The following WDR35 variants were observed in gnomAD, a reference collection of about 807,000 sequenced individuals.
WDR35 encodes WD repeat-containing protein 35.
Under a neutral mutation model 158.3 loss-of-function variants are expected in WDR35, and 118 were observed. The ratio of observed to expected loss-of-function variants is 0.75; its 90% CI spans 0.64 to 0.87. The LOEUF is 0.87. Ranked by LOEUF, WDR35 falls within the 40% of genes least tolerant of loss-of-function variation. WDR35 has a pLI of 0.00. For missense variants in WDR35, 1,263 were observed against 1,405.8 expected (o/e 0.90, Z 1.62); for synonymous variants, 448 against 476.1 (o/e 0.94, Z 0.77).
chr2:19,978,696 AAG>A, intron 5 of WDR35, 53 bp downstream of exon 5: 1 of 1,611,622 alleles, frequency 6.2e-7, no homozygotes, highest in Non-Finnish European at 8.5e-7. Context: ...ATCTCTAAAG[AAG>A]AAAACTGTCA....
At chr2:19,925,104 T>C (rs1345343334) in intron 25 of WDR35, among the ~76,000 whole-genome samples, 2 of 152,214 alleles carry the variant, frequency 1.3e-5, no homozygotes, top group Non-Finnish European at 2.9e-5. Flanking sequence ...CCGCAGTAGA[T>C]TTATGCTGCA....
intron 3 of WDR35, 34 bp downstream of exon 3, chr2:19,982,429 T>A (rs373000633): frequency 2.6e-4 from 412 of 1,603,078 alleles, no homozygotes; most frequent in Non-Finnish European, 3.4e-4. Flanking sequence ...TAAATACCAC[T>A]CAAACATGAC....
intron 25 of WDR35, among the ~76,000 whole-genome samples, chr2:19,919,133 C>T (rs1324283655): frequency 1.3e-5 from 2 of 152,290 alleles, no homozygotes; most frequent in South Asian, 4.1e-4. Flanking sequence ...GTAATTCCAG[C>T]ACTTTCGGAG....
At position 19,927,365 on chromosome 2, in the gene WDR35, C is replaced by A. The variant is rs771636411; in HGVS notation, c.3121+3031G>T. On this transcript the variant is annotated intron_variant, in intron 25 of 26. Transcript: ENST00000281405. ...TGTTTAGGAAGATTGCATTGCAGAA[C>A]AGGCAGAGGTGCTGCACAATGATTC... Among the ~76,000 whole-genome samples the A allele has an allele frequency of 2.0e-5, 3 of 152,164 alleles. No individual in the cohort carries two copies. In the East Asian group the frequency reaches 5.8e-4, roughly 29 times the overall value.
intron 5 of WDR35, 124 bp downstream of exon 5, chr2:19,978,623 CAAAT>C (rs1672284979): frequency 7.2e-7 from 1 of 1,381,550 alleles, no homozygotes; most frequent in Non-Finnish European, 1.0e-6. Flanking sequence ...AATTGTATAT[CAAAT>C]AGTTTCCCTT....
In WDR35 at chr2:19,932,446, C is replaced by T; in HGVS notation, c.2660G>A (p.Trp887Ter). The T allele has an allele frequency of 6.2e-7, 1 of 1,613,102 alleles. No individual in the cohort carries two copies. Among genetic ancestry groups the T allele is most frequent in the Non-Finnish European group, 8.5e-7 (1 of 1,179,448 alleles). The change falls in exon 23 of 27, where the codon TGG (tryptophan) becomes TAG (stop). Residue 887 changes from tryptophan (W) to a stop codon, truncating the protein, a stop_gained and splice_region_variant. Transcript: ENST00000281405. LOFTEE classifies it high-confidence loss of function. The stretch of plus-strand genomic sequence containing the variant: ...TTTAGCCAATTCAACAGCTTTGTTC[C>T]ACTAGGAGAAAAATTACACCATTCA... ...AVDTCVHLNQ[W>*]NKAVELAKNH... is the part of the protein sequence containing the mutation.
rs759855196 is a variant in WDR35 at position 19,989,326 on chromosome 2, A to G, written c.25-44T>C. The G allele has an allele frequency of 6.5e-6, 10 of 1,536,842 alleles. No homozygotes were observed. The South Asian group carries it at 8.9e-5, about 14-fold the overall frequency. On this transcript the variant is annotated intron_variant, in intron 1 of 26. Transcript: ENST00000281405. Reference sequence around the variant, plus strand: ...CCGCACTAGCAACTTTTCACGAAGGAGCTGGGAAGTAAGTCTGCAGGAGAT... The same window carrying G: ...CCGCACTAGCAACTTTTCACGAAGGGGCTGGGAAGTAAGTCTGCAGGAGAT...
chr2:19,913,639 G>A lies in WDR35; in HGVS notation c.3432C>T (p.Cys1144=), dbSNP rs1572300931. 6.2e-7 allele frequency: 1 copy of A among 1,614,116 alleles called. No homozygotes were observed. Among genetic ancestry groups the A allele is most frequent in the East Asian group, 2.2e-5 (1 of 44,856 alleles). The change falls in exon 27 of 27, where the codon TGC becomes TGT. Residue 1144 remains cysteine (C), a synonymous_variant. Transcript: ENST00000281405. ...CAAGGACACCGTGTTTGCATACACT[G>A]CACATCCAGAATTGATACTCAGTGA... ...SPITEYQFWM[C]SVCKHGVLAQ... is the part of the protein sequence containing the mutation.
In WDR35 at chr2:19,935,377, A is replaced by T. The variant is rs1333626092; in HGVS notation, c.2547+94T>A. 5.1e-6 allele frequency: 7 copies of T among 1,371,176 alleles called. No individual in the cohort carries two copies. In the African/African-American group the frequency reaches 1.0e-4, roughly 20 times the overall value. 84.9% of individuals were successfully genotyped at this position (1,371,176 alleles called of 1,614,324 possible). A position where few individuals can be genotyped will look rare whatever the true frequency, so the allele number is the denominator to read the frequency against. On this transcript the variant is annotated intron_variant, in intron 21 of 26. Coordinates refer to ENST00000281405, the MANE Select transcript of WDR35 (RefSeq NM_020779.4). ...AGAAACTGTAACATTATAGATTTTT[A>T]ATTTTCTTTATTGTGGGAGATATTT...
Position 19,951,188 on chromosome 2 carries a change from G to A in WDR35, c.1470+227C>T, listed in dbSNP as rs527733374. On this transcript the variant is annotated intron_variant, in intron 13 of 26. Coordinates refer to ENST00000281405, the MANE Select transcript of WDR35 (RefSeq NM_020779.4). ...GTTTTCCAACATTTTTAGATAATACGCTTTTCTAAGTAGTATATTAGCTAC... is the reference window on the plus strand; with the variant it reads ...GTTTTCCAACATTTTTAGATAATACACTTTTCTAAGTAGTATATTAGCTAC... Among the ~76,000 whole-genome samples the A allele has an allele frequency of 3.3e-5, 5 of 152,106 alleles. No individual in the cohort carries two copies. The highest frequency in any genetic ancestry group is 2.1e-4 in the South Asian group (1 of 4,826).
At chr2:19,921,353 C>T (rs895654051) in intron 25 of WDR35, among the ~76,000 whole-genome samples, 1 of 152,162 alleles carries the variant, frequency 6.6e-6, no homozygotes, top group Non-Finnish European at 1.5e-5. Flanking sequence ...GCAACAAAAA[C>T]GGCACGGTAC....
intron 10 of WDR35, among the ~76,000 whole-genome samples, chr2:19,963,511 CT>C (rs2103439933): frequency 6.6e-6 from 1 of 152,220 alleles, no homozygotes; most frequent in African/African-American, 2.4e-5. Flanking sequence ...CTCTTGGAGC[CT>C]TCTGACCTCT....
At chr2:19,970,174 C>A (rs1159757069) in intron 8 of WDR35, among the ~76,000 whole-genome samples, 1 of 151,988 alleles carries the variant, frequency 6.6e-6, no homozygotes, top group Non-Finnish European at 1.5e-5. Flanking sequence ...TTTTTATGTA[C>A]AACTAAGGAA....
intron 14 of WDR35, among the ~76,000 whole-genome samples, chr2:19,947,723 A>G (rs1671103007): frequency 6.6e-6 from 1 of 152,094 alleles, no homozygotes; most frequent in Non-Finnish European, 1.5e-5. Flanking sequence ...AATACCTACT[A>G]CCACCATGCA....
At position 19,919,396 on chromosome 2, in the gene WDR35, AAAGAAAAGAAAAAG is replaced by A. The variant is rs1364027143; in HGVS notation, c.3122-5133_3122-5120del. Among the ~76,000 whole-genome samples, 35 of 125,502 alleles carry A rather than the reference AAAGAAAAGAAAAAG, an allele frequency of 2.8e-4. 1 individual carries two copies. In the East Asian group the frequency reaches 0.012, roughly 41 times the overall value. The allele number at this position is 125,502 out of a possible 152,430, so 82.3% of individuals were successfully genotyped here. On this transcript the variant is annotated intron_variant, in intron 25 of 26. Coordinates refer to ENST00000281405, the MANE Select transcript of WDR35 (RefSeq NM_020779.4). ...GCTCCATCTCAAAAAAAAAAAAAAA[AAAGAAAAGAAAAAG>A]AAAAAGAAAAAAAAAGAAACTCATC...
In WDR35 at chr2:19,938,234, C is replaced by T; in HGVS notation, c.2063+31G>A. The T allele has an allele frequency of 6.8e-6, 11 of 1,613,880 alleles. 1 individual carries two copies. The highest frequency in any genetic ancestry group is 6.7e-5 in the African/African-American group (5 of 75,042). ...TGAGACTTTAAAAACCTACACCTGA[C>T]ATCCTGGGAGAGTTTGCTTTTTTTA... On this transcript the variant is annotated intron_variant, in intron 18 of 26. Transcript: ENST00000281405.
intron 16 of WDR35, among the ~76,000 whole-genome samples, chr2:19,943,460 GT>G (rs1670940386): frequency 6.6e-6 from 1 of 151,956 alleles, no homozygotes; most frequent in South Asian, 2.1e-4. Flanking sequence ...AAAAAATAAA[GT>G]TATGTCATCC....
chr2:19,929,764 G>A (rs1363670699), intron 25 of WDR35, among the ~76,000 whole-genome samples: 1 of 152,032 alleles, frequency 6.6e-6, no homozygotes, highest in Non-Finnish European at 1.5e-5. Flanking sequence ...ACATCTAAAA[G>A]GAAGTTTACC....
chr2:19,913,476 A>C lies in WDR35; in HGVS notation c.*82T>G. 1 of 1,552,486 alleles carries C rather than the reference A, an allele frequency of 6.4e-7. No individual in the cohort carries two copies. On this transcript the variant is annotated 3_prime_UTR_variant, in exon 27 of 27. Coordinates refer to ENST00000281405, the MANE Select transcript of WDR35 (RefSeq NM_020779.4). ...CTGATTTTCATACAAAACTCACAGA[A>C]ATAAACCTTATTACATATACAGCAT...
Sources: gnomAD v4.1 joint callset for allele counts (sites outside exome capture counted in the v4.1 genomes callset) on GRCh38, gnomAD v4.1.1 for gene constraint, MANE v1.5 for transcripts, NCBI Gene and HGNC (gene_info 2026-07-23, HGNC 2026-07-21) for gene names.